Variants in MFSD6 observed in about 807,000 individuals in gnomAD.
MFSD6 encodes the protein major facilitator superfamily domain containing 6.
MFSD6 carries 26 observed loss-of-function variants against 56.3 expected under a neutral mutation model. The observed-to-expected ratio is 0.46, with a 90% CI of 0.34 to 0.64. The LOEUF is 0.64. Among genes scored for constraint, MFSD6 ranks in the 30% least tolerant of loss-of-function variants. The pLI is 0.01. For synonymous variants in MFSD6, 331 were observed against 366.9 expected, an observed-to-expected ratio of 0.90 and a Z score of 1.12; for missense variants, 750 against 986.2, an observed-to-expected ratio of 0.76 and a Z score of 3.21.
Position 190,485,946 on chromosome 2 carries a change from T to G in MFSD6, c.1631-2711T>G, listed in dbSNP as rs763675804. Reference sequence around the variant, plus strand: ...AGTGTTTATTCCATTATGGACTGACTTAAGTAATATCATCCCTGATAATTT... The same window carrying G: ...AGTGTTTATTCCATTATGGACTGACGTAAGTAATATCATCCCTGATAATTT... On this transcript the variant is annotated intron_variant, in intron 4 of 7. Coordinates refer to ENST00000392328, the MANE Select transcript of MFSD6 (RefSeq NM_017694.4). This position sits in a 1 kb window ranked among gnomAD's most constrained non-coding sequence, Gnocchi z 5.1. Among the ~76,000 whole-genome samples the G allele has an allele frequency of 4.2e-4, 64 of 152,250 alleles. No individual in the cohort carries two copies. The highest frequency in any genetic ancestry group is 8.4e-4 in the Non-Finnish European group (57 of 68,044).
At position 190,501,558 on chromosome 2, in the gene MFSD6, A is replaced by G. The variant is rs1326241221; in HGVS notation, c.*1340A>G. 1 of 152,228 alleles carries G rather than the reference A, an allele frequency of 6.6e-6. No individual in the cohort carries two copies. Among genetic ancestry groups the G allele is most frequent in the East Asian group, 1.9e-4 (1 of 5,194 alleles). The allele number at this position is 152,228 out of a possible 1,614,324, so 9.4% of individuals were successfully genotyped here. A position where few individuals can be genotyped will look rare whatever the true frequency, so the allele number is the denominator to read the frequency against. ...ATATAATTTATAATAGCTGTGGATG[A>G]GCACAGGAGAGAGAGGAAAGAAAAG... is the stretch of plus-strand genomic sequence containing the variant. On this transcript the variant is annotated 3_prime_UTR_variant, in exon 8 of 8. Coordinates refer to ENST00000392328, the MANE Select transcript of MFSD6 (RefSeq NM_017694.4).
rs1055923854 is a variant in MFSD6, at chr2:190,439,230, A to G, written c.1532+1669A>G. On this transcript the variant is annotated intron_variant, in intron 3 of 7. Coordinates refer to ENST00000392328, the MANE Select transcript of MFSD6 (RefSeq NM_017694.4). The surrounding 1 kb of genome is among the most constrained non-coding windows in gnomAD (Gnocchi z 5.8). ...TTTAAAATCACTGTTATTCATTCCC[A>G]GAAAGGTACCCAGTTAGGTCTTACC... 3.3e-5 allele frequency among the ~76,000 whole-genome samples: 5 copies of G among 152,046 alleles called. No homozygotes were observed. Among genetic ancestry groups the G allele is most frequent in the Non-Finnish European group, 7.4e-5 (5 of 68,020 alleles).
intron 3 of MFSD6, among the ~76,000 whole-genome samples, chr2:190,446,613 A>G (rs1472899396): frequency 6.6e-6 from 1 of 152,208 alleles, no homozygotes; most frequent in Admixed American, 6.5e-5. Flanking sequence ...AGGAACTAGG[A>G]AGGCACATTC....
intron 3 of MFSD6, among the ~76,000 whole-genome samples, chr2:190,450,919 T>C (rs1446621654): frequency 6.6e-6 from 1 of 152,108 alleles, no homozygotes; most frequent in Non-Finnish European, 1.5e-5. Context: ...CTCCTGCGCA[T>C]TGTGGTTGCT....
rs1467684035 is a variant in MFSD6, at chr2:190,437,413, G to A, written c.1384G>A (p.Gly462Ser). 6.2e-7 allele frequency: 1 copy of A among 1,614,190 alleles called. No individual in the cohort carries two copies. The highest frequency in any genetic ancestry group is 1.1e-5 in the South Asian group (1 of 91,086). The change falls in exon 3 of 8, where the codon GGC (glycine) becomes AGC (serine). Residue 462 changes from glycine to serine, a missense_variant. By Grantham distance (56) the Gly-to-Ser change is moderately conservative (BLOSUM62 0). Coordinates refer to ENST00000392328, the MANE Select transcript of MFSD6 (RefSeq NM_017694.4). This position sits in a 1 kb window ranked among gnomAD's most constrained non-coding sequence, Gnocchi z 5.9. ...FVAWFMGFGY[G>S]FVFTFLYWHL... is the part of the protein sequence containing the mutation. The stretch of plus-strand genomic sequence containing the variant: ...GGCTTGGTTCATGGGTTTTGGATAT[G>A]GCTTCGTGTTCACCTTTCTCTACTG...
At position 190,431,670 on chromosome 2, in the gene MFSD6, G is replaced by A. The variant is rs1455372572; in HGVS notation, c.-53-4307G>A. ...GATGGCAGCAGTACAGTCCAGCTTCGGCTCAGCATCAGGGAGACCGTGGAA... is the reference window on the plus strand; with the variant it reads ...GATGGCAGCAGTACAGTCCAGCTTCAGCTCAGCATCAGGGAGACCGTGGAA... On this transcript the variant is annotated intron_variant, in intron 2 of 7. Transcript: ENST00000392328. This position sits in a 1 kb window ranked among gnomAD's most constrained non-coding sequence, Gnocchi z 4.4. Among the ~76,000 whole-genome samples, 1 of 152,196 alleles carries A rather than the reference G, an allele frequency of 6.6e-6. No homozygotes were observed. The highest frequency in any genetic ancestry group is 1.9e-4 in the East Asian group (1 of 5,170).
At chr2:190,414,742 GATAA>G (rs898157156) in intron 1 of MFSD6, among the ~76,000 whole-genome samples, 60 of 152,048 alleles carry the variant, frequency 3.9e-4, no homozygotes, top group Non-Finnish European at 5.3e-4. Flanking sequence ...TTTTTAAAGT[GATAA>G]ATAATGATTT....
At position 190,410,031 on chromosome 2, in the gene MFSD6, G is replaced by T. The variant is rs1404358564; in HGVS notation, c.-176+1528G>T. Among the ~76,000 whole-genome samples the T allele has an allele frequency of 6.6e-6, 1 of 152,138 alleles. No individual in the cohort carries two copies. Among genetic ancestry groups the T allele is most frequent in the Non-Finnish European group, 1.5e-5 (1 of 68,024 alleles). On this transcript the variant is annotated intron_variant, in intron 1 of 7. Coordinates refer to ENST00000392328, the MANE Select transcript of MFSD6 (RefSeq NM_017694.4). The surrounding 1 kb of genome is among the most constrained non-coding windows in gnomAD (Gnocchi z 4.4). ...TTGTGTGTCCTTCATGTTTACAGCA[G>T]TTTATTTCTAAGGCACTTTCCATCT...
chr2:190,439,696 T>A lies in MFSD6; in HGVS notation c.1532+2135T>A, dbSNP rs1686303442. On this transcript the variant is annotated intron_variant, in intron 3 of 7. Coordinates refer to ENST00000392328, the MANE Select transcript of MFSD6 (RefSeq NM_017694.4). This position sits in a 1 kb window ranked among gnomAD's most constrained non-coding sequence, Gnocchi z 5.8. ...CAAAAAGCATCTTCCATTTCTTGTT[T>A]AATAATGTGATGGAAGAAGATGGCT... Among the ~76,000 whole-genome samples, 1 of 152,238 alleles carries A rather than the reference T, an allele frequency of 6.6e-6. No homozygotes were observed. The highest frequency in any genetic ancestry group is 1.5e-5 in the Non-Finnish European group (1 of 68,030).
Position 190,496,740 on chromosome 2 carries a change from AATGAATTAATGGCATTCACAGCAACC to A in MFSD6, c.1892-698_1892-673del. 6.6e-6 allele frequency among the ~76,000 whole-genome samples: 1 copy of A among 152,322 alleles called. No homozygotes were observed. Among genetic ancestry groups the A allele is most frequent in the South Asian group, 2.1e-4 (1 of 4,830 alleles). ...GGAATACTACTCAGCCATAAAAAGG[AATGAATTAATGGCATTCACAGCAACC>A]TGGATGGAACTGGAGACCATATTCT... On this transcript the variant is annotated intron_variant, in intron 6 of 7. Transcript: ENST00000392328. This position sits in a 1 kb window ranked among gnomAD's most constrained non-coding sequence, Gnocchi z 4.7.
In MFSD6 at chr2:190,431,734, G is replaced by A. The variant is rs1686011890; in HGVS notation, c.-53-4243G>A. 6.6e-6 allele frequency among the ~76,000 whole-genome samples: 1 copy of A among 152,058 alleles called. No homozygotes were observed. The highest frequency in any genetic ancestry group is 1.5e-5 in the Non-Finnish European group (1 of 67,994). ...GAGACTGTGGGGAGAGGGAGGGAGA[G>A]GGAGAGGGAGAGGGAGCATGAGCAT... is the stretch of plus-strand genomic sequence containing the variant. On this transcript the variant is annotated intron_variant, in intron 2 of 7. Transcript: ENST00000392328. This position sits in a 1 kb window ranked among gnomAD's most constrained non-coding sequence, Gnocchi z 4.4.
chr2:190,488,501 C>T lies in MFSD6; in HGVS notation c.1631-156C>T, dbSNP rs113163363. Among the ~76,000 whole-genome samples the T allele has an allele frequency of 2.9e-3, 447 of 152,248 alleles. 2 individuals carry two copies. The highest frequency in any genetic ancestry group is 0.01 in the African/African-American group (428 of 41,536). ...GTGAGTGTACTCAGTGCCACTGAACCGTACATTTAAAAATGTGAAAATGGT... is the reference window on the plus strand; with the variant it reads ...GTGAGTGTACTCAGTGCCACTGAACTGTACATTTAAAAATGTGAAAATGGT... On this transcript the variant is annotated intron_variant, in intron 4 of 7. Coordinates refer to ENST00000392328, the MANE Select transcript of MFSD6 (RefSeq NM_017694.4). This position sits in a 1 kb window ranked among gnomAD's most constrained non-coding sequence, Gnocchi z 6.4.
chr2:190,470,222 T>C (rs1208959952), intron 4 of MFSD6, among the ~76,000 whole-genome samples: 12 of 152,246 alleles, frequency 7.9e-5, no homozygotes, highest in Non-Finnish European at 1.0e-4. Context: ...AGGTTAACTA[T>C]AGTTACTGAA....
At chr2:190,460,142 T>G (rs941552339) in intron 3 of MFSD6, among the ~76,000 whole-genome samples, 2 of 152,252 alleles carry the variant, frequency 1.3e-5, no homozygotes, top group Non-Finnish European at 2.9e-5. Flanking sequence ...GAGCATGTGC[T>G]GAAGTTCCAT....
Position 190,443,287 on chromosome 2 carries a change from C to T in MFSD6, c.1532+5726C>T, listed in dbSNP as rs1184577075. Among the ~76,000 whole-genome samples the T allele has an allele frequency of 6.6e-6, 1 of 152,138 alleles. No individual in the cohort carries two copies. Among genetic ancestry groups the T allele is most frequent in the Non-Finnish European group, 1.5e-5 (1 of 68,016 alleles). ...GCTCTGCAACTTGGAACTATATGGC[C>T]TTGGACAAGTTACAGAACTTTTTGC... On this transcript the variant is annotated intron_variant, in intron 3 of 7. Transcript: ENST00000392328. The surrounding 1 kb of genome is among the most constrained non-coding windows in gnomAD (Gnocchi z 4.2).
Position 190,467,966 on chromosome 2 carries a change from TAG to T in MFSD6, c.1533-1790_1533-1789del, listed in dbSNP as rs1344913590. On this transcript the variant is annotated intron_variant, in intron 3 of 7. Transcript: ENST00000392328. This position sits in a 1 kb window ranked among gnomAD's most constrained non-coding sequence, Gnocchi z 5.5. ...AAACTGTTTAATGTGTGGTCCTTTATAGAAAAGTGTTTGCTGACCCCTGAGTT... is the reference window on the plus strand; with the variant it reads ...AAACTGTTTAATGTGTGGTCCTTTATAAAAGTGTTTGCTGACCCCTGAGTT... Among the ~76,000 whole-genome samples the T allele has an allele frequency of 6.6e-6, 1 of 152,222 alleles. No individual in the cohort carries two copies. Among genetic ancestry groups the T allele is most frequent in the Non-Finnish European group, 1.5e-5 (1 of 68,040 alleles).
rs1199690246 is a variant in MFSD6 at position 190,417,294 on chromosome 2, T to C, written c.-54+1881T>C. Among the ~76,000 whole-genome samples, 1 of 152,158 alleles carries C rather than the reference T, an allele frequency of 6.6e-6. No homozygotes were observed. Among genetic ancestry groups the C allele is most frequent in the Non-Finnish European group, 1.5e-5 (1 of 68,038 alleles). On this transcript the variant is annotated intron_variant, in intron 2 of 7. Coordinates refer to ENST00000392328, the MANE Select transcript of MFSD6 (RefSeq NM_017694.4). The surrounding 1 kb of genome is among the most constrained non-coding windows in gnomAD (Gnocchi z 5.7). ...TAAGATCAGCACACCAAAATAAAAG[T>C]TCAAATGTTGGGAAATCCTTAGCAA...
chr2:190,470,487 G>A (rs893804941), intron 4 of MFSD6, among the ~76,000 whole-genome samples: 1 of 152,130 alleles, frequency 6.6e-6, no homozygotes, highest in Non-Finnish European at 1.5e-5. Context: ...AAAGCTCATT[G>A]CCATGTTAGC....
At chr2:190,478,705 A>G (rs1490184021) in intron 4 of MFSD6, among the ~76,000 whole-genome samples, 1 of 152,166 alleles carries the variant, frequency 6.6e-6, no homozygotes, top group Non-Finnish European at 1.5e-5. Context: ...TTGATTGCCA[A>G]AGACCTAGTC....
Sources: gnomAD v4.1 joint callset for allele counts (sites outside exome capture counted in the v4.1 genomes callset) on GRCh38, gnomAD v4.1.1 for gene constraint, Gnocchi (gnomAD v3.1) non-coding constraint, MANE v1.5 for transcripts, NCBI Gene and HGNC (gene_info 2026-07-23, HGNC 2026-07-21) for gene names.